NVL: variants seen among roughly 807,000 people sequenced by gnomAD.
NVL encodes nuclear valosin-containing protein-like.
A neutral mutation model predicts 110.2 loss-of-function variants in NVL; 84 were observed. The observed-to-expected ratio is 0.76, with a 90% CI of 0.64 to 0.91. NVL has a LOEUF of 0.91. NVL is among the 40% of genes least tolerant of loss of function. The pLI is 0.00. For synonymous variants in NVL, 354 were observed against 361.1 expected, an observed-to-expected ratio of 0.98 and a Z score of 0.22; for missense variants, 882 against 1,035.9, an observed-to-expected ratio of 0.85 and a Z score of 2.04.
chr1:224,295,024 A>C (rs1349607930), intron 11 of NVL, among the ~76,000 whole-genome samples: 1 of 152,186 alleles, frequency 6.6e-6, no homozygotes, highest in Non-Finnish European at 1.5e-5. Context: ...TAATCTAGGA[A>C]TGTATTTCTA....
intron 20 of NVL, 116 bp downstream of exon 20, chr1:224,236,390 G>T: frequency 1.3e-6 from 1 of 755,976 alleles, no homozygotes; most frequent in Non-Finnish European, 2.3e-6. Flanking sequence ...GTGCTTCATG[G>T]GATACCTCAT....
chr1:224,274,430 A>C (rs1337430270), intron 17 of NVL, among the ~76,000 whole-genome samples: 1 of 151,724 alleles, frequency 6.6e-6, no homozygotes, highest in Non-Finnish European at 1.5e-5. Context: ...TGAGGTCAGG[A>C]GTTCAAGACC....
At chr1:224,295,353 C>T (rs1006554761) in intron 11 of NVL, among the ~76,000 whole-genome samples, 7 of 151,980 alleles carry the variant, frequency 4.6e-5, no homozygotes, top group East Asian at 1.9e-4. Flanking sequence ...CCACCACGCC[C>T]GGCTAATTTT....
At chr1:224,255,422 G>A (rs1663103643) in intron 18 of NVL, among the ~76,000 whole-genome samples, 1 of 150,580 alleles carries the variant, frequency 6.6e-6, no homozygotes, top group Non-Finnish European at 1.5e-5. Flanking sequence ...TCGATCTCCT[G>A]ACCTTGTGAT....
At chr1:224,289,149 G>GA (rs1197047706) in intron 13 of NVL, 4 of 229,600 alleles carry the variant, frequency 1.7e-5, no homozygotes, top group South Asian at 7.2e-5. Context: ...AACGAAAGCA[G>GA]AAACAGACAA....
chr1:224,243,360 C>T (rs1483069703), intron 19 of NVL, among the ~76,000 whole-genome samples: 1 of 151,620 alleles, frequency 6.6e-6, no homozygotes, highest in Admixed American at 6.6e-5. Context: ...ACTCAGGGAG[C>T]AGAGGCGGGA....
At position 224,267,035 on chromosome 1, in the gene NVL, C is replaced by T. The variant is rs148831384; in HGVS notation, c.2182+999G>A. Among the ~76,000 whole-genome samples, 613 of 152,284 alleles carry T rather than the reference C, an allele frequency of 4.0e-3. 3 individuals carry two copies. Among genetic ancestry groups the T allele is most frequent in the African/African-American group, 0.014 (587 of 41,556 alleles). ...TGGCATAGATCTTCAAAAATCCTTGCAATTTCCTGAGTGCCAGGAATATCT... is the reference window on the plus strand; with the variant it reads ...TGGCATAGATCTTCAAAAATCCTTGTAATTTCCTGAGTGCCAGGAATATCT... On this transcript the variant is annotated intron_variant, in intron 18 of 22. Transcript: ENST00000281701.
At chr1:224,247,918 T>G (rs1246348048) in intron 19 of NVL, among the ~76,000 whole-genome samples, 1 of 152,200 alleles carries the variant, frequency 6.6e-6, no homozygotes, top group African/African-American at 2.4e-5. Flanking sequence ...AAATGTTCCC[T>G]GGGGACGTGA....
intron 11 of NVL, 121 bp downstream of exon 11, chr1:224,296,380 T>G: frequency 1.8e-6 from 1 of 555,054 alleles, no homozygotes; most frequent in Non-Finnish European, 3.0e-6. Context: ...GTGCCCAGTA[T>G]GACTTTTTTT....
At chr1:224,299,945 A>C (rs1373986745) in intron 10 of NVL, among the ~76,000 whole-genome samples, 2 of 152,224 alleles carry the variant, frequency 1.3e-5, no homozygotes, top group African/African-American at 2.4e-5. Context: ...ATTGCTAATA[A>C]TGACATAAAC....
intron 9 of NVL, chr1:224,303,153 G>A (rs1481993249): frequency 1.2e-5 from 2 of 165,502 alleles, no homozygotes; most frequent in Non-Finnish European, 2.7e-5. Context: ...GTATTATTAT[G>A]GCCGGGTGCG....
chr1:224,312,176 T>C, intron 4 of NVL: 1 of 184,258 alleles, frequency 5.4e-6, no homozygotes, highest in Non-Finnish European at 1.1e-5. Flanking sequence ...ATTATAGTTA[T>C]ATTTATCCTA....
intron 18 of NVL, among the ~76,000 whole-genome samples, chr1:224,260,201 A>G (rs1308530991): frequency 6.6e-6 from 1 of 152,228 alleles, no homozygotes; most frequent in Non-Finnish European, 1.5e-5. Flanking sequence ...TTGGAACTTC[A>G]GTGGTAAATA....
At chr1:224,257,388 T>G (rs1663402614) in intron 18 of NVL, among the ~76,000 whole-genome samples, 1 of 152,206 alleles carries the variant, frequency 6.6e-6, no homozygotes. Flanking sequence ...TAGCAACTTT[T>G]AACTTTAGGA....
chr1:224,237,438 A>C (rs1435430870), intron 19 of NVL, among the ~76,000 whole-genome samples: 1 of 152,228 alleles, frequency 6.6e-6, no homozygotes, highest in Non-Finnish European at 1.5e-5. Flanking sequence ...ACAAGTATGT[A>C]ACTTAGAACT....
At chr1:224,252,066 C>T (rs1449165785) in intron 18 of NVL, among the ~76,000 whole-genome samples, 1 of 152,192 alleles carries the variant, frequency 6.6e-6, no homozygotes, top group South Asian at 2.1e-4. Flanking sequence ...ATTCTTCCTA[C>T]ACATTCTTCC....
rs369391317 is a variant in NVL, at chr1:224,274,830, A to G, written c.2082+509T>C. ...ACTCAGTGTGGCTGACACAAGTGGT[A>G]TTCAGTGCAGATCAATTTTATATCT... On this transcript the variant is annotated intron_variant, in intron 17 of 22. Transcript: ENST00000281701. Among the ~76,000 whole-genome samples, 30 of 152,286 alleles carry G rather than the reference A, an allele frequency of 2.0e-4. 1 individual carries two copies. In the South Asian group the frequency reaches 2.1e-3, roughly 11 times the overall value.
chr1:224,287,359 C>T (rs1336549157), intron 14 of NVL, among the ~76,000 whole-genome samples: 3 of 151,840 alleles, frequency 2.0e-5, no homozygotes, highest in South Asian at 2.1e-4. Context: ...TTTGATAGCA[C>T]GGTAGGGAAA....
chr1:224,289,705 TCA>T lies in NVL; in HGVS notation c.1352_1353del (p.Leu451GlnfsTer7). The T allele has an allele frequency of 1.2e-6, 2 of 1,614,102 alleles. No individual in the cohort carries two copies. Among genetic ancestry groups the T allele is most frequent in the Non-Finnish European group, 1.7e-6 (2 of 1,179,948 alleles). On this transcript the variant is annotated frameshift_variant, in exon 13 of 23. Transcript: ENST00000281701. LOFTEE classifies it high-confidence loss of function. ...ERILQTLCRK[L>X]RLPQAFDFCH... ...CAGAAATCAAAAGCTTGAGGAAGCC[TCA>T]GTTTTCTGCACAATGTTTGAAGTAT...
Sources: allele counts gnomAD v4.1 joint callset (sites outside exome capture counted in the v4.1 genomes callset), GRCh38; gene constraint gnomAD v4.1.1; transcripts MANE v1.5; gene names NCBI Gene and HGNC (gene_info 2026-07-23, HGNC 2026-07-21).